NOL7: variants seen among roughly 807,000 people sequenced by gnomAD.
NOL7 encodes nucleolar protein 7, also known as U3 small nucleolar RNA-associated protein NOL7.
Under a neutral mutation model 38.4 loss-of-function variants are expected in NOL7, and 36 were observed. The observed-to-expected ratio is 0.94, with a 90% confidence interval of 0.72 to 1.24. NOL7 has a LOEUF of 1.24. Among genes scored for constraint, NOL7 ranks in the 50% most tolerant of loss-of-function variants. The pLI, the probability that NOL7 is intolerant of heterozygous loss-of-function variation, is 0.00. For synonymous variants in NOL7, 142 were observed against 126.5 expected (o/e 1.12, Z -0.82); for missense variants, 350 against 315.1 (o/e 1.11, Z -0.84).
At position 13,626,930 on chromosome 6, in the gene NOL7, AAAG is replaced by A. The variant is rs546422224; in HGVS notation, n.574-5457_574-5455del. ...AATAAGCCTCTAATATTGTGGATTTAAAGAAGAATAACCCATGAAGAAATGCTG... is the reference window on the plus strand; with the variant it reads ...AATAAGCCTCTAATATTGTGGATTTAAAGAATAACCCATGAAGAAATGCTG... On this transcript the variant is annotated intron_variant and non_coding_transcript_variant, in intron 8 of 8. Transcript: ENST00000474485. Among the ~76,000 whole-genome samples, 20 of 152,310 alleles carry A rather than the reference AAAG, an allele frequency of 1.3e-4. No homozygotes were observed. The South Asian group carries it at 2.1e-3, about 16-fold the overall frequency.
intron 3 of NOL7, among the ~76,000 whole-genome samples, chr6:13,616,965 C>T (rs1417960155): frequency 3.3e-5 from 5 of 152,084 alleles, no homozygotes; most frequent in African/African-American, 1.2e-4. Flanking sequence ...TGGTTTAAAG[C>T]GAAAAGCTAT....
downstream of NOL7, chr6:13,622,377 T>G: frequency 6.3e-7 from 1 of 1,592,238 alleles, no homozygotes; most frequent in Non-Finnish European, 8.6e-7. Flanking sequence ...GTAGGTAGTC[T>G]TCCACTGTGG....
chr6:13,622,726 C>CT (rs1764485903), downstream of NOL7, among the ~76,000 whole-genome samples: 1 of 152,122 alleles, frequency 6.6e-6, no homozygotes, highest in South Asian at 2.1e-4. Flanking sequence ...CAGAATCAGA[C>CT]TTTTAAAGTA....
chr6:13,620,694 T>TA, intron 7 of NOL7, 60 bp from the exon 8 acceptor site: 2 of 1,196,938 alleles, frequency 1.7e-6, no homozygotes, highest in Non-Finnish European at 2.4e-6. Context: ...ATAGAGTAAT[T>TA]AAAAAAATTT....
downstream of NOL7, among the ~76,000 whole-genome samples, chr6:13,625,065 T>C (rs1008322379): frequency 3.9e-5 from 6 of 152,346 alleles, no homozygotes; most frequent in Middle Eastern, 0.01. Context: ...TTCTCTGATA[T>C]TCAAGCTCTT....
At chr6:13,627,092 T>C (rs2127758934) in intron 8 of NOL7, among the ~76,000 whole-genome samples, 1 of 152,302 alleles carries the variant, frequency 6.6e-6, no homozygotes, top group East Asian at 1.9e-4. Context: ...AGAAGTTCTT[T>C]GAAGATAAAA....
At chr6:13,629,480 T>C (rs1334729935) in intron 8 of NOL7, among the ~76,000 whole-genome samples, 1 of 152,166 alleles carries the variant, frequency 6.6e-6, no homozygotes, top group Non-Finnish European at 1.5e-5. Flanking sequence ...ATTACCTCAG[T>C]GGAATAACTT....
In NOL7 at chr6:13,620,448, G is replaced by A. The variant is rs777051431; in HGVS notation, c.663G>A (p.Val221=). The A allele has an allele frequency of 1.9e-6, 3 of 1,614,136 alleles. No individual in the cohort carries two copies. Among genetic ancestry groups the A allele is most frequent in the Non-Finnish European group, 2.5e-6 (3 of 1,180,016 alleles). Residue 221 remains valine (V), a synonymous_variant, in exon 7 of 8, where the codon GTG becomes GTA. Transcript: ENST00000451315. ...FLSLANKRLP[V]KRAAVQFLNN... ...CTCTTGCCAACAAGAGGTTACCAGT[G>A]AAAAGAGCTGCTGTCCAGTTTTTGA...
chr6:13,624,013 TA>T (rs1214399055), downstream of NOL7, among the ~76,000 whole-genome samples: 1 of 152,226 alleles, frequency 6.6e-6, no homozygotes, highest in Non-Finnish European at 1.5e-5. Context: ...AAGACATTTA[TA>T]GTAAACCATA....
chr6:13,628,479 C>G lies in NOL7; in HGVS notation n.574-3914C>G, dbSNP rs567578200. 2.6e-5 allele frequency among the ~76,000 whole-genome samples: 4 copies of G among 152,282 alleles called. No homozygotes were observed. The East Asian group carries it at 5.8e-4, about 22-fold the overall frequency. ...CCCCAAAAAACATACTAAAAAGCTT[C>G]AAGTTTTTCCAATAAGGAAATAAGG... On this transcript the variant is annotated intron_variant and non_coding_transcript_variant, in intron 8 of 8. Transcript: ENST00000474485.
intron 3 of NOL7, among the ~76,000 whole-genome samples, chr6:13,617,291 C>T (rs1033652411): frequency 1.3e-5 from 2 of 151,684 alleles, no homozygotes; most frequent in African/African-American, 2.4e-5. Context: ...GGCCTTTCTC[C>T]TGTGCAAATG....
chr6:13,620,595 ATTAAG>A (rs781193227), intron 7 of NOL7, 110 bp downstream of exon 7: 18 of 1,155,812 alleles, frequency 1.6e-5, no homozygotes, highest in South Asian at 1.2e-4. Flanking sequence ...TGGCTTATAT[ATTAAG>A]TTACTTGTGA....
intron 8 of NOL7, among the ~76,000 whole-genome samples, chr6:13,627,630 C>CAAAAAAAAAAAAAAAAAAAAAAAAAAAA (rs35401168): frequency 3.0e-5 from 2 of 66,410 alleles, no homozygotes; most frequent in South Asian, 6.4e-4. Context: ...ACTCCATCTC[C>CAAAAAAAAAAAAAAAAAAAAAAAAAAAA]AAAAAAAAAA....
chr6:13,623,953 G>A (rs1177399584), downstream of NOL7, among the ~76,000 whole-genome samples: 2 of 152,216 alleles, frequency 1.3e-5, no homozygotes, highest in African/African-American at 2.4e-5. Context: ...TTAAAGATTA[G>A]TATCATCTAA....
Position 13,618,085 on chromosome 6 carries a change from G to T in NOL7, c.446G>T (p.Cys149Phe), listed in dbSNP as rs1046742673. Residue 149 changes from cysteine (C) to phenylalanine (F), a missense_variant, in exon 5 of 8, where the codon TGT becomes TTT. Physicochemically the swap from Cys to Phe is radical, Grantham distance 205. Transcript: ENST00000451315. ...AATTTGCAAAAGAAAAATGAAGACT[G>T]TGAAAAAGGAAATGACTCCAAGAAA... is the stretch of plus-strand genomic sequence containing the variant. ...EVNLQKKNED[C>F]EKGNDSKKVK... is the part of the protein sequence containing the mutation. 1 of 1,575,290 alleles carries T rather than the reference G, an allele frequency of 6.3e-7. No homozygotes were observed. Among genetic ancestry groups the T allele is most frequent in the Non-Finnish European group, 8.7e-7 (1 of 1,147,628 alleles).
chr6:13,631,116 C>G (rs1201552635), intron 8 of NOL7, among the ~76,000 whole-genome samples: 1 of 152,106 alleles, frequency 6.6e-6, no homozygotes, highest in Non-Finnish European at 1.5e-5. Context: ...CCTGATTTGA[C>G]TTTTTAAATT....
At chr6:13,617,931 C>G in intron 4 of NOL7, 127 bp from the exon 5 acceptor site, 1 of 1,023,810 alleles carries the variant, frequency 9.8e-7, no homozygotes, top group Non-Finnish European at 1.5e-6. Flanking sequence ...GGCCTATTCC[C>G]TGTATTTCAT....
downstream of NOL7, among the ~76,000 whole-genome samples, chr6:13,623,368 T>C (rs1236469768): frequency 4.6e-5 from 7 of 152,120 alleles, no homozygotes; most frequent in African/African-American, 1.7e-4. Flanking sequence ...ATGGTTTAAC[T>C]CCACTCTTGG....
chr6:13,628,042 C>T (rs534213948), intron 8 of NOL7, among the ~76,000 whole-genome samples: 3 of 152,222 alleles, frequency 2.0e-5, no homozygotes, highest in South Asian at 4.1e-4. Flanking sequence ...ATGACAACAA[C>T]GTATTGTGCA....
Sources: gnomAD v4.1 joint callset for allele counts (sites outside exome capture counted in the v4.1 genomes callset) on GRCh38, gnomAD v4.1.1 for gene constraint, MANE v1.5 for transcripts, NCBI Gene and HGNC (gene_info 2026-07-23, HGNC 2026-07-21) for gene names.